The following VSIG10L2 variants were observed in gnomAD, a reference collection of about 807,000 sequenced individuals.
VSIG10L2 encodes V-set and immunoglobulin domain containing 10 like 2.
A neutral mutation model predicts 67.1 loss-of-function variants in VSIG10L2; 56 were observed. That is an observed-to-expected ratio of 0.83 (90% CI 0.67 to 1.04). The LOEUF (loss-of-function observed/expected upper bound fraction) is 1.04. VSIG10L2 is among the 50% of genes least tolerant of loss of function. VSIG10L2 has a pLI of 0.00. For synonymous variants in VSIG10L2, 360 were observed against 396.6 expected, an observed-to-expected ratio of 0.91 and a Z score of 1.10; for missense variants, 843 against 932.8, an observed-to-expected ratio of 0.90 and a Z score of 1.25.
chr11:125,955,858 C>T lies in VSIG10L2; in HGVS notation c.2326C>T (p.Gln776Ter), dbSNP rs551252373. The T allele has an allele frequency of 2.9e-6, 2 of 698,518 alleles. No homozygotes were observed. The highest frequency in any genetic ancestry group is 3.0e-5 in the South Asian group (2 of 65,690). The allele number at this position is 698,518 out of a possible 1,614,324, so 43.3% of individuals were successfully genotyped here. The part of the protein sequence containing the change: ...PTTTPGLDPA[Q>*]ETTDSPVNVT... ...CACCACCCCAGGTTTGGATCCTGCA[C>T]AAGAAACCACGGATTCTCCAGTGAA... Residue 776 changes from glutamine (Q) to a stop codon, truncating the protein, a stop_gained, in exon 12 of 12, where the codon CAA (glutamine) becomes TAA (stop). Transcript: ENST00000686984. LOFTEE classifies it high-confidence loss of function.
intron 3 of VSIG10L2, among the ~76,000 whole-genome samples, chr11:125,949,641 C>T (rs1945339360): frequency 6.6e-6 from 1 of 152,162 alleles, no homozygotes; most frequent in Non-Finnish European, 1.5e-5. Flanking sequence ...GGGTTCAGGA[C>T]ATCATCCCAC....
At position 125,948,401 on chromosome 11, in the gene VSIG10L2, C is replaced by T; in HGVS notation, c.530C>T (p.Pro177Leu). ...TGTGCAGTGCGGGAGGGCACAGAGC[C>T]CGTGACCTTTGCCTGGCAGCATCGG... ...ATCAVREGTE[P>L]VTFAWQHRAP... The change falls in exon 3 of 12, where the codon CCC (proline) becomes CTC (leucine). Residue 177 changes from proline to leucine, a missense_variant. Pro to Leu is a moderately conservative substitution (Grantham distance 98, BLOSUM62 -3). Transcript: ENST00000686984. The T allele has an allele frequency of 8.1e-7, 1 of 1,232,346 alleles. No individual in the cohort carries two copies. Among genetic ancestry groups the T allele is most frequent in the Non-Finnish European group, 1.0e-6 (1 of 988,094 alleles). 76.3% of individuals were successfully genotyped at this position (1,232,346 alleles called of 1,614,324 possible). A position where few individuals can be genotyped will look rare whatever the true frequency, so the allele number is the denominator to read the frequency against.
In VSIG10L2 at chr11:125,948,438, C is replaced by T; in HGVS notation, c.567C>T (p.Gly189=). 3.2e-6 allele frequency: 4 copies of T among 1,232,436 alleles called. No homozygotes were observed. Among genetic ancestry groups the T allele is most frequent in the Non-Finnish European group, 4.0e-6 (4 of 988,190 alleles). The allele number at this position is 1,232,436 out of a possible 1,614,324, so 76.3% of individuals were successfully genotyped here. The change falls in exon 3 of 12, where the codon GGC becomes GGT. Residue 189 remains glycine, a synonymous_variant. Transcript: ENST00000686984. ...CCTGGCAGCATCGGGCACCCCGAGG[C>T]CTTGGAGAGGCCCTGGTGGGGGTCA... ...TFAWQHRAPR[G]LGEALVGVTE...
In VSIG10L2 at chr11:125,951,919, C is replaced by G; in HGVS notation, c.1341C>G (p.Gly447=). ...GCGGCGAGCCCCCTGCCACGCTGGG[C>G]TGGCTTGACGAACAGCAGCAGCCCC... ...WPGGEPPATL[G]WLDEQQQPLG... The change falls in exon 6 of 12, where the codon GGC becomes GGG. Residue 447 remains glycine, a synonymous_variant. Coordinates refer to ENST00000686984, the MANE Select transcript of VSIG10L2 (RefSeq NM_001365077.2). 6.5e-7 allele frequency: 1 copy of G among 1,536,000 alleles called. No individual in the cohort carries two copies. The highest frequency in any genetic ancestry group is 8.7e-7 in the Non-Finnish European group (1 of 1,146,832).
At chr11:125,947,658 A>G (rs1442955455) in intron 1 of VSIG10L2, 28 bp from the exon 2 acceptor site, 1 of 1,232,234 alleles carries the variant, frequency 8.1e-7, no homozygotes, top group Non-Finnish European at 1.0e-6. Flanking sequence ...GCAGCCCAGA[A>G]GTCCTGCTAT....
Position 125,948,492 on chromosome 11 carries a change from C to A in VSIG10L2, c.621C>A (p.Val207=). The change falls in exon 3 of 12, where the codon GTC becomes GTA. Residue 207 remains valine (V), a synonymous_variant. Transcript: ENST00000686984. The stretch of plus-strand genomic sequence containing the variant: ...AGCCACTATTCCAGCTGGACCCTGT[C>A]AACCGGACACACCTAGGGTGGTACA... ...VTEPLFQLDP[V]NRTHLGWYMC... 8.1e-7 allele frequency: 1 copy of A among 1,232,254 alleles called. No homozygotes were observed. Among genetic ancestry groups the A allele is most frequent in the Non-Finnish European group, 1.0e-6 (1 of 988,020 alleles). The allele number at this position is 1,232,254 out of a possible 1,614,324, so 76.3% of individuals were successfully genotyped here.
rs1371606840 is a variant in VSIG10L2, at chr11:125,956,002, A to G, written c.*88A>G. ...CTGTCAGACTTTGGTCATAAAACCA[A>G]CGTAGCTAAGACACCAACTACCACT... is the stretch of plus-strand genomic sequence containing the variant. On this transcript the variant is annotated 3_prime_UTR_variant, in exon 12 of 12. Transcript: ENST00000686984. 3.1e-6 allele frequency: 2 copies of G among 649,996 alleles called. No homozygotes were observed. Among genetic ancestry groups the G allele is most frequent in the Non-Finnish European group, 5.5e-6 (2 of 361,188 alleles). 40.3% of individuals were successfully genotyped at this position (649,996 alleles called of 1,614,324 possible).
chr11:125,951,857 G>C lies in VSIG10L2; in HGVS notation c.1279G>C (p.Gly427Arg). 1 of 1,529,176 alleles carries C rather than the reference G, an allele frequency of 6.5e-7. No individual in the cohort carries two copies. The highest frequency in any genetic ancestry group is 8.8e-7 in the Non-Finnish European group (1 of 1,142,490). The allele number at this position is 1,529,176 out of a possible 1,614,324, so 94.7% of individuals were successfully genotyped here. ...TACCTGCTGGAGCACAGCCACAATG[G>C]GGGACCAGTTCATCATGCTGAGCTG... ...RPTCWSTATM[G>R]DQFIMLSCEW... is the part of the protein sequence containing the mutation. The change falls in exon 6 of 12, where the codon GGG becomes CGG. Residue 427 changes from glycine to arginine, a missense_variant. Transcript: ENST00000686984.
At position 125,951,231 on chromosome 11, in the gene VSIG10L2, G is replaced by A. The variant is rs920327678; in HGVS notation, c.1234+73G>A. ...GTGGGTAGAGGTCAGGGTAGAGGCG[G>A]GGGGCCTGGGATCTGGGTGGCTCTC... On this transcript the variant is annotated intron_variant, in intron 5 of 11. Coordinates refer to ENST00000686984, the MANE Select transcript of VSIG10L2 (RefSeq NM_001365077.2). 19 of 1,228,668 alleles carry A rather than the reference G, an allele frequency of 1.5e-5. No homozygotes were observed. In the Admixed American group the frequency reaches 6.7e-4, roughly 43 times the overall value. 76.1% of individuals were successfully genotyped at this position (1,228,668 alleles called of 1,614,324 possible). A position where few individuals can be genotyped will look rare whatever the true frequency, so the allele number is the denominator to read the frequency against.
At chr11:125,950,817 C>T in intron 4 of VSIG10L2, 93 bp from the exon 5 acceptor site, 2 of 1,173,354 alleles carry the variant, frequency 1.7e-6, no homozygotes, top group South Asian at 4.4e-5. Flanking sequence ...TACCCACTGA[C>T]ACCCCTGGCC....
intron 2 of VSIG10L2, 72 bp from the exon 3 acceptor site, chr11:125,948,232 TG>T: frequency 8.1e-7 from 1 of 1,231,316 alleles, no homozygotes; most frequent in Non-Finnish European, 1.0e-6. Flanking sequence ...CCAGCAGGGG[TG>T]GGGGCGCTGG....
chr11:125,947,190 G>A (rs1945310657), intron 1 of VSIG10L2, among the ~76,000 whole-genome samples: 1 of 152,094 alleles, frequency 6.6e-6, no homozygotes, highest in Non-Finnish European at 1.5e-5. Flanking sequence ...GGAGCCCTGG[G>A]ATCCTCCTGG....
chr11:125,953,730 G>A, intron 7 of VSIG10L2, 40 bp downstream of exon 7: 2 of 1,231,358 alleles, frequency 1.6e-6, no homozygotes, highest in Non-Finnish European at 2.0e-6. Flanking sequence ...GTGAGGTGGG[G>A]GCTGGGAGAC....
Position 125,955,974 on chromosome 11 carries a change from C to T in VSIG10L2, c.*60C>T, listed in dbSNP as rs1204802778. 2 of 639,570 alleles carry T rather than the reference C, an allele frequency of 3.1e-6. No individual in the cohort carries two copies. Among genetic ancestry groups the T allele is most frequent in the African/African-American group, 1.8e-5 (1 of 54,970 alleles). 39.6% of individuals were successfully genotyped at this position (639,570 alleles called of 1,614,324 possible). On this transcript the variant is annotated 3_prime_UTR_variant, in exon 12 of 12. Transcript: ENST00000686984. ...GGGCAGGTGGGATTTGGGAAGAGCC[C>T]TTCTGTCAGACTTTGGTCATAAAAC...
In VSIG10L2 at chr11:125,948,380, C is replaced by T. The variant is rs147138761; in HGVS notation, c.509C>T (p.Ala170Val). The change falls in exon 3 of 12, where the codon GCA becomes GTA. Residue 170 changes from alanine (A) to valine (V), a missense_variant. This residue lies in a region of VSIG10L2 where 446 missense variants were observed against 548.4 expected (regional missense o/e 0.81). Transcript: ENST00000686984. ...VEGASVVATC[A>V]VREGTEPVTF... ...GGAGCCTCCGTGGTGGCCACGTGTG[C>T]AGTGCGGGAGGGCACAGAGCCCGTG... is the stretch of plus-strand genomic sequence containing the variant. The T allele has an allele frequency of 1.2e-5, 15 of 1,232,372 alleles. No individual in the cohort carries two copies. The African/African-American group carries it at 2.3e-4, about 19-fold the overall frequency. The allele number at this position is 1,232,372 out of a possible 1,614,324, so 76.3% of individuals were successfully genotyped here.
In VSIG10L2 at chr11:125,949,264, G is replaced by A. The variant is rs567669485; in HGVS notation, c.709+684G>A. Among the ~76,000 whole-genome samples, 43 of 148,694 alleles carry A rather than the reference G, an allele frequency of 2.9e-4. No individual in the cohort carries two copies. The Middle Eastern group carries it at 0.01, about 36-fold the overall frequency. On this transcript the variant is annotated intron_variant, in intron 3 of 11. Transcript: ENST00000686984. ...TTGGTGGTTTTTGTTTTTGTTTTCT[G>A]CTTGATCGGGTTTGGTCATTTTTAC...
At position 125,946,511 on chromosome 11, in the gene VSIG10L2, A is replaced by G. The variant is rs1289763421; in HGVS notation, c.82+374A>G. Among the ~76,000 whole-genome samples, 1 of 151,992 alleles carries G rather than the reference A, an allele frequency of 6.6e-6. No homozygotes were observed. The highest frequency in any genetic ancestry group is 1.5e-5 in the Non-Finnish European group (1 of 67,990). On this transcript the variant is annotated intron_variant, in intron 1 of 11. Coordinates refer to ENST00000686984, the MANE Select transcript of VSIG10L2 (RefSeq NM_001365077.2). This position sits in a 1 kb window ranked among gnomAD's most constrained non-coding sequence, Gnocchi z 4.4. ...GCCAAAGCAATGTCCATGGGGTTGG[A>G]AGAAATTGGTTTCTGGGTTACATAT...
intron 6 of VSIG10L2, 121 bp downstream of exon 6, chr11:125,952,194 G>A: frequency 7.6e-7 from 1 of 1,321,724 alleles, no homozygotes; most frequent in Non-Finnish European, 1.0e-6. Flanking sequence ...AGTGCGGACG[G>A]GGAAGCTAGG....
rs1945417674 is a variant in VSIG10L2 at position 125,954,114 on chromosome 11, T to C, written c.1814T>C (p.Ile605Thr). 8.1e-7 allele frequency: 1 copy of C among 1,232,228 alleles called. No individual in the cohort carries two copies. Among genetic ancestry groups the C allele is most frequent in the East Asian group, 3.2e-5 (1 of 31,694 alleles). The allele number at this position is 1,232,228 out of a possible 1,614,324, so 76.3% of individuals were successfully genotyped here. A position where few individuals can be genotyped will look rare whatever the true frequency, so the allele number is the denominator to read the frequency against. The stretch of plus-strand genomic sequence containing the variant: ...TATCCAGCTCCTCCCAATGTCACCA[T>C]CAGCCGCCTGACCTACGGGAGGCAC... ...LRYPAPPNVT[I>T]SRLTYGRHRR... The change falls in exon 8 of 12, where the codon ATC (isoleucine) becomes ACC (threonine). Residue 605 changes from isoleucine to threonine, a missense_variant. Physicochemically the swap from Ile to Thr is moderately conservative, Grantham distance 89. Transcript: ENST00000686984.
Sources: gnomAD v4.1 joint callset for allele counts (sites outside exome capture counted in the v4.1 genomes callset) on GRCh38, gnomAD v4.1.1 for gene constraint, gnomAD v4.1.1 regional missense constraint, Gnocchi (gnomAD v3.1) non-coding constraint, MANE v1.5 for transcripts, NCBI Gene and HGNC (gene_info 2026-07-23, HGNC 2026-07-21) for gene names.